Variants in OPCML observed in about 807,000 individuals in gnomAD.
The protein encoded by OPCML is opioid-binding protein/cell adhesion molecule.
In OPCML, 13 loss-of-function variants were observed where a neutral mutation model predicts 37.8. The observed-to-expected ratio is 0.34, with a 90% CI of 0.22 to 0.55. The LOEUF (loss-of-function observed/expected upper bound fraction) is 0.55. OPCML is among the 20% of genes least tolerant of loss of function. The pLI is 0.91. For synonymous variants in OPCML, 176 were observed against 168.8 expected, an observed-to-expected ratio of 1.04 and a Z score of -0.33; for missense variants, 341 against 435.6, an observed-to-expected ratio of 0.78 and a Z score of 1.93.
At chr11:133,236,662 A>C (rs1307436620) in intron 1 of OPCML, among the ~76,000 whole-genome samples, 1 of 152,236 alleles carries the variant, frequency 6.6e-6, no homozygotes, top group Non-Finnish European at 1.5e-5. Context: ...TTTAGCCTAA[A>C]TATTTGCCCT....
chr11:132,421,892 A>G (rs888894100), intron 7 of OPCML, among the ~76,000 whole-genome samples: 8 of 152,158 alleles, frequency 5.3e-5, no homozygotes, highest in Non-Finnish European at 1.2e-4. Flanking sequence ...GCTCAAGGTA[A>G]TTCTCTACAT....
chr11:133,422,008 T>G, intron 1 of OPCML: 2 of 384,164 alleles, frequency 5.2e-6, no homozygotes, highest in Non-Finnish European at 7.1e-6. Flanking sequence ...GGGGTACATG[T>G]GCAGAATGTG....
chr11:132,847,833 T>A (rs1463978818), intron 2 of OPCML, among the ~76,000 whole-genome samples: 2 of 152,248 alleles, frequency 1.3e-5, no homozygotes, highest in African/African-American at 2.4e-5. Flanking sequence ...GAGCCACATT[T>A]GTACATGAAT....
At chr11:133,311,429 T>A (rs1943065126) in intron 1 of OPCML, among the ~76,000 whole-genome samples, 1 of 152,188 alleles carries the variant, frequency 6.6e-6, no homozygotes, top group Non-Finnish European at 1.5e-5. Context: ...ATTTTAGGCA[T>A]CAAAACTGCA....
At chr11:133,026,566 G>A (rs1947559127) in intron 1 of OPCML, 13 of 985,206 alleles carry the variant, frequency 1.3e-5, no homozygotes, top group Non-Finnish European at 1.6e-5. Context: ...CCTAAATCTG[G>A]TCTAGGTGAA....
At chr11:132,593,511 A>G (rs2096487930) in intron 3 of OPCML, among the ~76,000 whole-genome samples, 2 of 152,232 alleles carry the variant, frequency 1.3e-5, no homozygotes, top group Admixed American at 1.3e-4. Context: ...TCATATTTAA[A>G]GAAGAGATCT....
chr11:132,931,178 C>G (rs1203019198), intron 2 of OPCML, among the ~76,000 whole-genome samples: 1 of 150,826 alleles, frequency 6.6e-6, no homozygotes. Context: ...AAATGGATCA[C>G]AGGCTTAAAC....
At chr11:132,432,101 G>A (rs1279348610) in intron 7 of OPCML, among the ~76,000 whole-genome samples, 4 of 152,218 alleles carry the variant, frequency 2.6e-5, no homozygotes, top group Admixed American at 2.0e-4. Context: ...GGGAATGGGA[G>A]TATATAGCCT....
At chr11:132,544,871 C>CT (rs2137392960) in intron 3 of OPCML, among the ~76,000 whole-genome samples, 1 of 152,280 alleles carries the variant, frequency 6.6e-6, no homozygotes, top group South Asian at 2.1e-4. Context: ...ACTAACATTT[C>CT]TCGCTGTACT....
chr11:133,275,418 A>T (rs1214935031), intron 1 of OPCML, among the ~76,000 whole-genome samples: 1 of 152,094 alleles, frequency 6.6e-6, no homozygotes, highest in African/African-American at 2.4e-5. Flanking sequence ...GAGAGAGAGG[A>T]TATAATTTCA....
At chr11:133,292,009 C>T (rs556146820) in intron 1 of OPCML, among the ~76,000 whole-genome samples, 34 of 152,270 alleles carry the variant, frequency 2.2e-4, no homozygotes, top group Middle Eastern at 3.4e-3. Context: ...TTATTAGGCC[C>T]GTCCTGGAGA....
intron 1 of OPCML, among the ~76,000 whole-genome samples, chr11:133,236,201 A>G (rs938327986): frequency 1.1e-4 from 16 of 152,160 alleles, no homozygotes; most frequent in Non-Finnish European, 1.9e-4. Context: ...GATAATCCCC[A>G]CAGTCGATCT....
At chr11:133,087,757 T>C (rs777215972) in intron 1 of OPCML, among the ~76,000 whole-genome samples, 9 of 152,166 alleles carry the variant, frequency 5.9e-5, no homozygotes, top group South Asian at 2.1e-4. Flanking sequence ...TAGAACCCTG[T>C]AGAGGTATGA....
intron 4 of OPCML, among the ~76,000 whole-genome samples, chr11:132,485,831 T>TAAC (rs1271866193): frequency 6.6e-6 from 1 of 152,366 alleles, no homozygotes; most frequent in African/African-American, 2.4e-5. Flanking sequence ...TTTCCCTGTA[T>TAAC]AACTATTATA....
At chr11:132,510,811 T>C (rs889277218) in intron 4 of OPCML, among the ~76,000 whole-genome samples, 8 of 152,142 alleles carry the variant, frequency 5.3e-5, no homozygotes, top group Non-Finnish European at 1.0e-4. Flanking sequence ...CTACTAGGAA[T>C]AGAAAATAAC....
At chr11:133,077,365 T>C (rs1948638528) in intron 1 of OPCML, among the ~76,000 whole-genome samples, 1 of 151,876 alleles carries the variant, frequency 6.6e-6, no homozygotes, top group Non-Finnish European at 1.5e-5. Flanking sequence ...CCTTTCTGAG[T>C]AGGAAGTGGA....
intron 1 of OPCML, among the ~76,000 whole-genome samples, chr11:133,203,811 T>C (rs1309142040): frequency 3.9e-5 from 6 of 152,030 alleles, no homozygotes; most frequent in Admixed American, 3.9e-4. Context: ...GTAATCCCAG[T>C]ACTTTGGGAG....
At chr11:132,667,506 G>A (rs1043659567) in intron 2 of OPCML, among the ~76,000 whole-genome samples, 2 of 152,176 alleles carry the variant, frequency 1.3e-5, no homozygotes, top group African/African-American at 2.4e-5. Flanking sequence ...TTATCAATGG[G>A]AGCAAGTGCT....
intron 4 of OPCML, among the ~76,000 whole-genome samples, chr11:132,464,981 A>G (rs1019841428): frequency 2.0e-4 from 30 of 152,194 alleles, no homozygotes; most frequent in African/African-American, 7.2e-4. Flanking sequence ...GTGTATATAC[A>G]TATCGATCTT....
Sources: allele counts gnomAD v4.1 joint callset (sites outside exome capture counted in the v4.1 genomes callset), GRCh38; gene constraint gnomAD v4.1.1; transcripts MANE v1.5; gene names NCBI Gene and HGNC (gene_info 2026-07-23, HGNC 2026-07-21).